The following PTPRD variants were observed in gnomAD, a reference collection of about 807,000 sequenced individuals.
The protein encoded by PTPRD is receptor-type tyrosine-protein phosphatase delta.
PTPRD carries 34 observed loss-of-function variants against 214.5 expected under a neutral mutation model. The ratio of observed to expected loss-of-function variants is 0.16; its 90% confidence interval spans 0.12 to 0.21. The LOEUF (loss-of-function observed/expected upper bound fraction) is 0.21, where lower values mean the gene tolerates loss of function less well. Ranked by LOEUF, PTPRD falls within the 10% of genes least tolerant of loss-of-function variation. The probability of loss-of-function intolerance (pLI) is 1.00; values close to 1 mark genes in which losing one functional copy is unlikely to be tolerated. For missense variants in PTPRD, 2,545 were observed against 2,398.7 expected (o/e 1.06, Z -1.27); for synonymous variants, 1,128 against 845.7 (o/e 1.33, Z -5.79).
Position 10,431,831 on chromosome 9 carries a change from G to C in PTPRD, c.-599-90814C>G, listed in dbSNP as rs527947712. Among the ~76,000 whole-genome samples, 15 of 152,192 alleles carry C rather than the reference G, an allele frequency of 9.9e-5. No individual in the cohort carries two copies. The South Asian group carries it at 2.9e-3, about 29-fold the overall frequency. Reference sequence around the variant, plus strand: ...GGAGAAATAGGAAGACTTTTACACTGTTGGTGGGACTGTAAACTAGTTCAA... The same window carrying C: ...GGAGAAATAGGAAGACTTTTACACTCTTGGTGGGACTGTAAACTAGTTCAA... On this transcript the variant is annotated intron_variant, in intron 2 of 45. Coordinates refer to ENST00000381196, the MANE Select transcript of PTPRD (RefSeq NM_002839.4).
chr9:9,763,261 A>G (rs2098676280), intron 6 of PTPRD, among the ~76,000 whole-genome samples: 1 of 152,324 alleles, frequency 6.6e-6, no homozygotes, highest in Admixed American at 6.5e-5. Context: ...ACATAGAGAT[A>G]ATCACTGTTA....
intron 7 of PTPRD, among the ~76,000 whole-genome samples, chr9:9,642,666 G>C (rs968923035): frequency 2.0e-5 from 3 of 152,150 alleles, no homozygotes; most frequent in Non-Finnish European, 2.9e-5. Flanking sequence ...CAATAGGTTA[G>C]TACTGCTACT....
chr9:9,540,765 A>G (rs1442251003), intron 8 of PTPRD, among the ~76,000 whole-genome samples: 2 of 151,862 alleles, frequency 1.3e-5, no homozygotes, highest in Admixed American at 1.3e-4. Flanking sequence ...CTGTGCCACC[A>G]GTAAATGAAA....
At chr9:9,757,298 A>C (rs2098596533) in intron 6 of PTPRD, among the ~76,000 whole-genome samples, 2 of 152,174 alleles carry the variant, frequency 1.3e-5, no homozygotes, top group South Asian at 2.1e-4. Flanking sequence ...CATGCACATA[A>C]ATCTATTTAA....
intron 35 of PTPRD, among the ~76,000 whole-genome samples, chr9:8,406,710 G>A (rs1016185858): frequency 6.6e-6 from 1 of 152,198 alleles, no homozygotes; most frequent in Non-Finnish European, 1.5e-5. Context: ...TATATAACAT[G>A]AGAGTTAGAG....
At chr9:9,757,386 TAAA>T (rs2098597391) in intron 6 of PTPRD, among the ~76,000 whole-genome samples, 2 of 152,180 alleles carry the variant, frequency 1.3e-5, no homozygotes, top group Non-Finnish European at 2.9e-5. Context: ...CTTCTGGGCT[TAAA>T]TAAGTCTTTC....
intron 7 of PTPRD, among the ~76,000 whole-genome samples, chr9:9,709,216 T>C (rs1405886180): frequency 6.6e-6 from 1 of 152,054 alleles, no homozygotes; most frequent in Non-Finnish European, 1.5e-5. Flanking sequence ...TACAACTTTC[T>C]ATACCCCTAT....
At chr9:8,609,511 G>C (rs2095363751) in intron 14 of PTPRD, among the ~76,000 whole-genome samples, 1 of 152,200 alleles carries the variant, frequency 6.6e-6, no homozygotes, top group Non-Finnish European at 1.5e-5. Flanking sequence ...CTGGATGCCT[G>C]AATCAGGTGG....
At chr9:10,286,720 T>A (rs72698933) in intron 3 of PTPRD, among the ~76,000 whole-genome samples, 2,351 of 152,196 alleles carry the variant, frequency 0.015, 38 homozygotes, top group Non-Finnish European at 0.027. Flanking sequence ...TGCTACAGCA[T>A]CCCAAGTAGC....
chr9:9,498,873 A>G (rs2096294067), intron 8 of PTPRD, among the ~76,000 whole-genome samples: 3 of 152,126 alleles, frequency 2.0e-5, no homozygotes, highest in Admixed American at 2.0e-4. Flanking sequence ...TTCATTAAAA[A>G]ATTCACAATC....
intron 6 of PTPRD, among the ~76,000 whole-genome samples, chr9:9,737,757 T>C (rs903140709): frequency 8.5e-5 from 13 of 152,354 alleles, no homozygotes; most frequent in African/African-American, 2.9e-4. Flanking sequence ...ATTTAGGTTT[T>C]CATTTTTTTG....
chr9:10,171,667 G>A (rs1361515574), intron 3 of PTPRD, among the ~76,000 whole-genome samples: 4 of 152,096 alleles, frequency 2.6e-5, no homozygotes, highest in African/African-American at 7.2e-5. Context: ...TGGGACCACA[G>A]GCGCCCGCTA....
At chr9:9,245,903 G>A (rs2099972857) in intron 9 of PTPRD, among the ~76,000 whole-genome samples, 2 of 151,906 alleles carry the variant, frequency 1.3e-5, no homozygotes, top group Non-Finnish European at 2.9e-5. Context: ...TTGAATCTTT[G>A]GCTTGGTTCT....
chr9:8,453,126 T>G (rs1380387123), intron 33 of PTPRD, among the ~76,000 whole-genome samples: 1 of 152,194 alleles, frequency 6.6e-6, no homozygotes, highest in Admixed American at 6.5e-5. Flanking sequence ...AACTCTCTCA[T>G]TTTAATAGAA....
At chr9:9,876,105 A>G (rs998331235) in intron 5 of PTPRD, among the ~76,000 whole-genome samples, 1 of 152,130 alleles carries the variant, frequency 6.6e-6, no homozygotes, top group Non-Finnish European at 1.5e-5. Flanking sequence ...ATAGGCCAGT[A>G]AGAGATTGTG....
At chr9:9,038,586 G>C (rs1453034447) in intron 10 of PTPRD, among the ~76,000 whole-genome samples, 2 of 132,642 alleles carry the variant, frequency 1.5e-5, no homozygotes, top group African/African-American at 3.0e-5. Context: ...ATGGAGTTTC[G>C]CTCTTGTTGC....
At chr9:9,012,577 C>A (rs1302561094) in intron 11 of PTPRD, among the ~76,000 whole-genome samples, 1 of 152,100 alleles carries the variant, frequency 6.6e-6, no homozygotes, top group Non-Finnish European at 1.5e-5. Context: ...CTTTCACATG[C>A]AGACAGGGAA....
intron 10 of PTPRD, among the ~76,000 whole-genome samples, chr9:9,135,986 T>C (rs1203500310): frequency 2.0e-5 from 3 of 152,186 alleles, no homozygotes; most frequent in Non-Finnish European, 4.4e-5. Flanking sequence ...TTATAAATTA[T>C]ATACATGCAC....
chr9:8,450,027 T>C (rs150679564), intron 33 of PTPRD, among the ~76,000 whole-genome samples, 190 bp from the exon 34 acceptor site: 1 of 152,256 alleles, frequency 6.6e-6, no homozygotes, highest in East Asian at 1.9e-4. Flanking sequence ...AGGTCTAAAA[T>C]TTTTGTTTAA....
Sources: gnomAD v4.1 joint callset for allele counts (sites outside exome capture counted in the v4.1 genomes callset) on GRCh38, gnomAD v4.1.1 for gene constraint, MANE v1.5 for transcripts, NCBI Gene and HGNC (gene_info 2026-07-23, HGNC 2026-07-21) for gene names.